The following LRRTM4 variants were observed in gnomAD, a reference collection of about 807,000 sequenced individuals.
LRRTM4 encodes the protein leucine rich repeat transmembrane neuronal 4, also known as leucine-rich repeat transmembrane neuronal protein 4.
Under a neutral mutation model 47.6 loss-of-function variants are expected in LRRTM4, and 25 were observed. That is an observed-to-expected ratio of 0.53 (90% CI 0.38 to 0.73). The LOEUF is 0.73. LRRTM4 is among the 30% of genes least tolerant of loss of function. LRRTM4 has a pLI of 0.00. For missense variants in LRRTM4, 638 were observed against 713.4 expected, an observed-to-expected ratio of 0.89 and a Z score of 1.20; for synonymous variants, 311 against 269.5, an observed-to-expected ratio of 1.15 and a Z score of -1.51.
intron 3 of LRRTM4, among the ~76,000 whole-genome samples, chr2:77,410,484 C>G (rs1360874406): frequency 9.9e-5 from 15 of 152,108 alleles, no homozygotes; most frequent in Non-Finnish European, 1.5e-5. Context: ...ATAGGAAGCA[C>G]CAGCTAACAC....
At chr2:76,875,725 T>C (rs191847345) in intron 3 of LRRTM4, among the ~76,000 whole-genome samples, 41 of 152,280 alleles carry the variant, frequency 2.7e-4, no homozygotes, top group Admixed American at 7.2e-4. Context: ...TCATTCTTAA[T>C]ATAGAAAAGT....
chr2:76,843,794 T>G (rs1671756832), intron 3 of LRRTM4, among the ~76,000 whole-genome samples: 1 of 152,176 alleles, frequency 6.6e-6, no homozygotes, highest in African/African-American at 2.4e-5. Flanking sequence ...ACAATACTAC[T>G]TATATGTATC....
At chr2:77,246,372 A>G (rs1675446416) in intron 3 of LRRTM4, among the ~76,000 whole-genome samples, 1 of 152,172 alleles carries the variant, frequency 6.6e-6, no homozygotes, top group Admixed American at 6.5e-5. Context: ...TCGCCAATAT[A>G]TACACACTAC....
At chr2:77,314,806 A>G (rs1002036019) in intron 3 of LRRTM4, among the ~76,000 whole-genome samples, 4 of 152,132 alleles carry the variant, frequency 2.6e-5, no homozygotes, top group Non-Finnish European at 5.9e-5. Flanking sequence ...TTAGAATTTT[A>G]ATTTTGATCT....
chr2:77,386,408 T>C (rs1381577622), intron 3 of LRRTM4, among the ~76,000 whole-genome samples: 1 of 152,172 alleles, frequency 6.6e-6, no homozygotes, highest in African/African-American at 2.4e-5. Flanking sequence ...CTGAGAAGGA[T>C]GGTTCCAGCT....
At chr2:76,791,062 T>A (rs772609395) in intron 3 of LRRTM4, among the ~76,000 whole-genome samples, 18 of 152,174 alleles carry the variant, frequency 1.2e-4, no homozygotes, top group Non-Finnish European at 2.2e-4. Context: ...GCTATAACAC[T>A]GGCTGTTACT....
intron 3 of LRRTM4, among the ~76,000 whole-genome samples, chr2:77,366,956 G>T (rs2103759211): frequency 6.6e-6 from 1 of 151,770 alleles, no homozygotes; most frequent in South Asian, 2.1e-4. Flanking sequence ...CTTCATTAAT[G>T]AACTCCTTCT....
intron 3 of LRRTM4, among the ~76,000 whole-genome samples, chr2:77,225,374 T>C (rs990469843): frequency 3.3e-5 from 4 of 120,896 alleles, no homozygotes; most frequent in Non-Finnish European, 5.4e-5. Flanking sequence ...AATAATAAAA[T>C]AAAAAAAAAG....
intron 3 of LRRTM4, among the ~76,000 whole-genome samples, chr2:77,401,000 T>A (rs1231311460): frequency 1.3e-5 from 2 of 152,002 alleles, no homozygotes; most frequent in African/African-American, 2.4e-5. Context: ...GTTTACATAT[T>A]TTCCGTGCTA....
chr2:76,778,533 C>G (rs1674162783), intron 3 of LRRTM4, among the ~76,000 whole-genome samples: 1 of 151,054 alleles, frequency 6.6e-6, no homozygotes, highest in African/African-American at 2.5e-5. Flanking sequence ...TGTAGATTTT[C>G]TAGTTTATTT....
At chr2:76,830,494 G>C (rs980132424) in intron 3 of LRRTM4, among the ~76,000 whole-genome samples, 2 of 146,228 alleles carry the variant, frequency 1.4e-5, no homozygotes, top group African/African-American at 5.2e-5. Flanking sequence ...AAAATAAGTT[G>C]TCTATGTGTG....
At chr2:76,968,383 T>TATATATATATATATAC (rs797010446) in intron 3 of LRRTM4, among the ~76,000 whole-genome samples, 5 of 111,424 alleles carry the variant, frequency 4.5e-5, no homozygotes, top group Admixed American at 1.0e-4. Flanking sequence ...TATATATATA[T>TATATATATATATATAC]ACACATACAT....
At chr2:77,507,869 C>T (rs573542289) in intron 3 of LRRTM4, among the ~76,000 whole-genome samples, 17 of 151,764 alleles carry the variant, frequency 1.1e-4, no homozygotes, top group Non-Finnish European at 1.8e-4. Flanking sequence ...GTTACCATGA[C>T]GACAGCAAAG....
chr2:77,382,348 C>G (rs952835431), intron 3 of LRRTM4, among the ~76,000 whole-genome samples: 4 of 152,016 alleles, frequency 2.6e-5, no homozygotes, highest in African/African-American at 9.7e-5. Context: ...CCCAGAAACC[C>G]TGCGCTTGTC....
chr2:77,455,899 C>T (rs1157313673), intron 3 of LRRTM4, among the ~76,000 whole-genome samples: 1 of 152,098 alleles, frequency 6.6e-6, no homozygotes. Context: ...ACTTTTATGG[C>T]TTCTCTCCAA....
chr2:76,983,499 A>C (rs1343913097), intron 3 of LRRTM4, among the ~76,000 whole-genome samples: 1 of 152,000 alleles, frequency 6.6e-6, no homozygotes, highest in East Asian at 1.9e-4. Context: ...CTTGCCTGTC[A>C]CCATGTAAGA....
intron 3 of LRRTM4, among the ~76,000 whole-genome samples, chr2:77,387,495 C>A (rs1278211271): frequency 1.3e-5 from 2 of 152,092 alleles, no homozygotes. Flanking sequence ...CACTCAAGGT[C>A]TCTCAGTTGT....
intron 3 of LRRTM4, among the ~76,000 whole-genome samples, chr2:76,835,855 A>C (rs559894352): frequency 1.3e-4 from 20 of 152,114 alleles, no homozygotes; most frequent in African/African-American, 4.8e-4. Flanking sequence ...GATTATGAAT[A>C]TGAGTGAGAA....
intron 3 of LRRTM4, among the ~76,000 whole-genome samples, chr2:77,489,092 A>C (rs1345038544): frequency 2.7e-5 from 4 of 150,930 alleles, no homozygotes; most frequent in Non-Finnish European, 5.9e-5. Flanking sequence ...TTTATCTAAC[A>C]GGTATATGTG....
Sources: allele counts gnomAD v4.1 joint callset (sites outside exome capture counted in the v4.1 genomes callset), GRCh38; gene constraint gnomAD v4.1.1; transcripts MANE v1.5; gene names NCBI Gene and HGNC (gene_info 2026-07-23, HGNC 2026-07-21).